The following EPB41L1 variants were observed in gnomAD, a reference collection of about 807,000 sequenced individuals.
EPB41L1 encodes the protein band 4.1-like protein 1.
EPB41L1 carries 29 observed loss-of-function variants against 97.8 expected under a neutral mutation model. That is an observed-to-expected ratio of 0.30 (90% CI 0.22 to 0.40). EPB41L1 has a LOEUF of 0.40. Among genes scored for constraint, EPB41L1 ranks in the 10% least tolerant of loss-of-function variants. The pLI is 1.00. For synonymous variants in EPB41L1, 383 were observed against 459.2 expected (o/e 0.83, Z 2.12); for missense variants, 812 against 1,162.3 (o/e 0.70, Z 4.38).
chr20:36,136,312 A>C (rs1303483527), intron 2 of EPB41L1, among the ~76,000 whole-genome samples: 1 of 149,052 alleles, frequency 6.7e-6, no homozygotes, highest in Non-Finnish European at 1.5e-5. Context: ...CTGGGACTAC[A>C]GGCACATGCA....
At chr20:36,205,297 C>G (rs750682200) in intron 14 of EPB41L1, among the ~76,000 whole-genome samples, 1 of 152,224 alleles carries the variant, frequency 6.6e-6, no homozygotes, top group Non-Finnish European at 1.5e-5. Context: ...TAGCAAAGAT[C>G]TCCGGCCTCA....
intron 11 of EPB41L1, among the ~76,000 whole-genome samples, chr20:36,191,313 T>C (rs2061939749): frequency 6.6e-6 from 1 of 152,172 alleles, no homozygotes; most frequent in African/African-American, 2.4e-5. Flanking sequence ...GTCATTCTTT[T>C]GGTTCTACTA....
At chr20:36,199,740 C>T (rs1326223098) in intron 14 of EPB41L1, among the ~76,000 whole-genome samples, 2 of 152,206 alleles carry the variant, frequency 1.3e-5, no homozygotes, top group Non-Finnish European at 2.9e-5. Flanking sequence ...TGCCCTTCAG[C>T]GTGGCCCCTA....
intron 1 of EPB41L1, among the ~76,000 whole-genome samples, chr20:36,100,682 C>G (rs561889893): frequency 6.6e-6 from 1 of 152,182 alleles, no homozygotes; most frequent in Non-Finnish European, 1.5e-5. Flanking sequence ...TAGATCTGTC[C>G]GAAGCCCACC....
intron 2 of EPB41L1, among the ~76,000 whole-genome samples, chr20:36,145,860 A>G (rs2059812608): frequency 6.6e-6 from 1 of 152,210 alleles, no homozygotes; most frequent in African/African-American, 2.4e-5. Flanking sequence ...TCTGCTTGGC[A>G]CCAGCTCCTT....
At chr20:36,154,686 A>C (rs2060210114), upstream of EPB41L1, 3 of 980,830 alleles carry the variant, frequency 3.1e-6, no homozygotes, top group South Asian at 4.5e-5. This position sits in a 1 kb window ranked among gnomAD's most constrained non-coding sequence, Gnocchi z 5.5. Context: ...GGCTGTGGGC[A>C]CCGTGCCCAG....
At chr20:36,098,153 G>T (rs2746100) in intron 1 of EPB41L1, among the ~76,000 whole-genome samples, 40,809 of 151,996 alleles carry the variant, frequency 0.27, 7,227 homozygotes, top group African/African-American at 0.51. Context: ...CTTCAGCCTG[G>T]TTTCACGACA....
At chr20:36,162,858 G>A (rs888972121) in intron 1 of EPB41L1, among the ~76,000 whole-genome samples, 6 of 152,160 alleles carry the variant, frequency 3.9e-5, no homozygotes, top group Non-Finnish European at 7.4e-5. Context: ...ACGAATTGCC[G>A]TCTCCCCACT....
chr20:36,178,951 C>T (rs1013764526), intron 5 of EPB41L1, among the ~76,000 whole-genome samples: 3 of 151,732 alleles, frequency 2.0e-5, no homozygotes, highest in Admixed American at 2.0e-4. Context: ...ATCCCAGCTA[C>T]TCGGGAGGCT....
intron 14 of EPB41L1, among the ~76,000 whole-genome samples, chr20:36,201,612 T>TTA (rs2062501841): frequency 6.6e-6 from 1 of 152,198 alleles, no homozygotes. Context: ...GACATCTTTC[T>TTA]CTAAGGAGTA....
intron 2 of EPB41L1, among the ~76,000 whole-genome samples, chr20:36,137,383 T>TA (rs1219298088): frequency 1.3e-5 from 2 of 151,492 alleles, no homozygotes; most frequent in African/African-American, 2.4e-5. Context: ...GGCAGCTAAT[T>TA]AAAAAAAATT....
chr20:36,196,047 C>A (rs1423453469), intron 13 of EPB41L1, among the ~76,000 whole-genome samples: 1 of 152,234 alleles, frequency 6.6e-6, no homozygotes, highest in Non-Finnish European at 1.5e-5. Context: ...ATGTTAACCA[C>A]TTCTTCCCTC....
At chr20:36,120,042 C>G (rs1041684964) in intron 2 of EPB41L1, among the ~76,000 whole-genome samples, 3 of 152,182 alleles carry the variant, frequency 2.0e-5, no homozygotes, top group African/African-American at 7.2e-5. Context: ...TGAGTCCACC[C>G]CTGACATTGC....
upstream of EPB41L1, chr20:36,152,721 A>G (rs997532335): frequency 9.7e-6 from 3 of 309,072 alleles, no homozygotes; most frequent in Non-Finnish European, 1.9e-5. Flanking sequence ...ATTTAAATAA[A>G]TGTGTGGTGA....
At position 36,206,776 on chromosome 20, in the gene EPB41L1, CCCCA is replaced by C. The variant is rs1456534085; in HGVS notation, c.1669-2709_1669-2706del. 1 of 1,289,852 alleles carries C rather than the reference CCCCA, an allele frequency of 7.8e-7. No homozygotes were observed. Among genetic ancestry groups the C allele is most frequent in the Non-Finnish European group, 1.0e-6 (1 of 988,886 alleles). 79.9% of individuals were successfully genotyped at this position (1,289,852 alleles called of 1,614,324 possible). On this transcript the variant is annotated intron_variant, in intron 14 of 21. Transcript: ENST00000338074. The surrounding 1 kb of genome is among the most constrained non-coding windows in gnomAD (Gnocchi z 5.5). Reference sequence around the variant, plus strand: ...CCAGTGGGGAGTGGAAGGAGAGTTTCCCCACCTGACAGCCAGCGCAGCCCGAGAG... The same window carrying C: ...CCAGTGGGGAGTGGAAGGAGAGTTTCCCTGACAGCCAGCGCAGCCCGAGAG...
chr20:36,208,123 CCTGCCTA>C (rs2062929471), intron 14 of EPB41L1, among the ~76,000 whole-genome samples: 1 of 152,222 alleles, frequency 6.6e-6, no homozygotes, highest in South Asian at 2.1e-4. Flanking sequence ...CCGCTGGGTT[CCTGCCTA>C]CCTTGCTTGG....
chr20:36,134,092 T>C (rs973222523), intron 2 of EPB41L1, among the ~76,000 whole-genome samples: 11 of 152,234 alleles, frequency 7.2e-5, no homozygotes, highest in African/African-American at 2.6e-4. Context: ...TTCTACTGTA[T>C]AAATAAATGA....
intron 16 of EPB41L1, among the ~76,000 whole-genome samples, chr20:36,213,713 T>C (rs1469628968): frequency 6.6e-6 from 1 of 152,096 alleles, no homozygotes. Flanking sequence ...AAAAAAAGTT[T>C]ATAGTTATAC....
At chr20:36,198,243 T>C (rs2062312060) in intron 14 of EPB41L1, among the ~76,000 whole-genome samples, 1 of 152,076 alleles carries the variant, frequency 6.6e-6, no homozygotes, top group Non-Finnish European at 1.5e-5. Flanking sequence ...GAGACCAACT[T>C]AAAACATGAA....
Sources: gnomAD v4.1 joint callset for allele counts (sites outside exome capture counted in the v4.1 genomes callset) on GRCh38, gnomAD v4.1.1 for gene constraint, Gnocchi (gnomAD v3.1) non-coding constraint, MANE v1.5 for transcripts, NCBI Gene and HGNC (gene_info 2026-07-23, HGNC 2026-07-21) for gene names.